The following PDE11A variants were observed in gnomAD, a reference collection of about 807,000 sequenced individuals.
PDE11A encodes phosphodiesterase 11A, also known as dual 3',5'-cyclic-AMP and -GMP phosphodiesterase 11A.
PDE11A carries 100 observed loss-of-function variants against 100.5 expected under a neutral mutation model. The ratio of observed to expected loss-of-function variants is 1.00; its 90% CI spans 0.85 to 1.18. PDE11A has a LOEUF of 1.18. Among genes scored for constraint, PDE11A ranks in the 50% most tolerant of loss-of-function variants. PDE11A has a pLI of 0.00. For synonymous variants in PDE11A, 381 were observed against 420.8 expected (o/e 0.91, Z 1.16); for missense variants, 1,141 against 1,152.6 (o/e 0.99, Z 0.15).
rs189000312 is a variant in PDE11A at position 178,038,603 on chromosome 2, G to A, written c.913-24143C>T. ...GACATGGACCAGTACTCCACAATAA[G>A]AGAAAACACAAACATATGAAAAGAG... On this transcript the variant is annotated intron_variant, in intron 1 of 19. Transcript: ENST00000286063. Among the ~76,000 whole-genome samples, 247 of 152,176 alleles carry A rather than the reference G, an allele frequency of 1.6e-3. 1 individual carries two copies. The highest frequency in any genetic ancestry group is 2.7e-3 in the Non-Finnish European group (182 of 67,998).
intron 17 of PDE11A, among the ~76,000 whole-genome samples, chr2:177,671,055 G>T (rs2080672132): frequency 6.6e-6 from 1 of 152,098 alleles, no homozygotes; most frequent in African/African-American, 2.4e-5. Flanking sequence ...AAGAGGAAAT[G>T]GTCCCCTAAG....
At chr2:177,991,638 A>AAAT (rs1181729112) in intron 2 of PDE11A, among the ~76,000 whole-genome samples, 1 of 151,292 alleles carries the variant, frequency 6.6e-6, no homozygotes, top group South Asian at 2.1e-4. Context: ...CCATTTCAAA[A>AAAT]AATGATAATA....
chr2:177,711,134 T>A (rs576230457), intron 13 of PDE11A, among the ~76,000 whole-genome samples: 1 of 152,216 alleles, frequency 6.6e-6, no homozygotes. Context: ...GCAACAGCTA[T>A]CTTGACCAGG....
chr2:177,916,499 T>C (rs1035091223), intron 2 of PDE11A, among the ~76,000 whole-genome samples: 3 of 152,188 alleles, frequency 2.0e-5, no homozygotes, highest in African/African-American at 7.2e-5. Context: ...CTGAAAACAT[T>C]TGCTTCCTCT....
At chr2:178,043,936 C>T (rs2086713850) in intron 1 of PDE11A, among the ~76,000 whole-genome samples, 1 of 152,102 alleles carries the variant, frequency 6.6e-6, no homozygotes, top group Non-Finnish European at 1.5e-5. Context: ...GCAATTTGTC[C>T]TCAAGGCCTC....
At chr2:178,063,967 CTG>C (rs1184308210) in intron 1 of PDE11A, among the ~76,000 whole-genome samples, 1 of 152,202 alleles carries the variant, frequency 6.6e-6, no homozygotes, top group Admixed American at 6.5e-5. Context: ...GCCTTCTGGA[CTG>C]TGTATTTTAA....
At chr2:178,085,170 C>T (rs1414558154) in intron 2 of PDE11A, among the ~76,000 whole-genome samples, 1 of 152,092 alleles carries the variant, frequency 6.6e-6, no homozygotes, top group Non-Finnish European at 1.5e-5. Flanking sequence ...AGTCAACATA[C>T]AGAAATTGGT....
At chr2:177,988,741 G>C (rs992108675) in intron 2 of PDE11A, among the ~76,000 whole-genome samples, 3 of 152,164 alleles carry the variant, frequency 2.0e-5, no homozygotes, top group African/African-American at 7.2e-5. Context: ...CTGGGAATAA[G>C]ACATGAATTA....
At chr2:177,790,415 A>T (rs1221796915) in intron 9 of PDE11A, among the ~76,000 whole-genome samples, 2 of 151,736 alleles carry the variant, frequency 1.3e-5, no homozygotes, top group South Asian at 4.2e-4. Context: ...CTTAAATGTT[A>T]GACCTAAAAC....
intron 2 of PDE11A, among the ~76,000 whole-genome samples, chr2:177,963,162 T>C (rs906561648): frequency 2.6e-5 from 4 of 152,170 alleles, no homozygotes; most frequent in African/African-American, 9.7e-5. Context: ...AACTAAAATC[T>C]ACTGCTTCCA....
chr2:177,716,122 T>G (rs1479798655), intron 12 of PDE11A, among the ~76,000 whole-genome samples: 1 of 152,220 alleles, frequency 6.6e-6, no homozygotes, highest in Non-Finnish European at 1.5e-5. Flanking sequence ...CTTAATCCTC[T>G]TATTTTGAGT....
chr2:177,998,721 G>T, intron 2 of PDE11A: 1 of 996,654 alleles, frequency 1.0e-6, no homozygotes, highest in Non-Finnish European at 1.6e-6. Context: ...TCGCTCCGTG[G>T]TATCGGCCAT....
chr2:177,833,593 T>G (rs2105609207), intron 6 of PDE11A, among the ~76,000 whole-genome samples: 1 of 152,274 alleles, frequency 6.6e-6, no homozygotes. Flanking sequence ...AAGTCTCCAT[T>G]TCCTCCCCTG....
chr2:177,737,670 G>A (rs1011191659), intron 10 of PDE11A, among the ~76,000 whole-genome samples: 8 of 152,018 alleles, frequency 5.3e-5, no homozygotes, highest in Non-Finnish European at 1.0e-4. Context: ...GGGAGTGGAA[G>A]GTGGAGAAGG....
chr2:177,869,223 G>A (rs538591879), intron 5 of PDE11A, among the ~76,000 whole-genome samples: 10 of 152,304 alleles, frequency 6.6e-5, no homozygotes, highest in South Asian at 4.1e-4. Flanking sequence ...TTATCTCAGA[G>A]GGCTGGAAGT....
chr2:177,878,478 T>A (rs1034102415), intron 4 of PDE11A, among the ~76,000 whole-genome samples: 1 of 152,182 alleles, frequency 6.6e-6, no homozygotes, highest in South Asian at 2.1e-4. Flanking sequence ...TCGGTCACCA[T>A]GCAAGAAGTG....
chr2:177,706,736 C>T (rs1035346740), intron 13 of PDE11A, among the ~76,000 whole-genome samples: 4 of 152,062 alleles, frequency 2.6e-5, no homozygotes, highest in African/African-American at 9.7e-5. Context: ...TTGAGAAAAA[C>T]GCATCACACT....
At chr2:178,013,928 T>G (rs921555458) in intron 2 of PDE11A, among the ~76,000 whole-genome samples, 1 of 152,168 alleles carries the variant, frequency 6.6e-6, no homozygotes. Context: ...TATAAAAATA[T>G]AGGAGAAAGT....
At chr2:177,966,910 AT>A (rs1256688847) in intron 2 of PDE11A, among the ~76,000 whole-genome samples, 2 of 152,094 alleles carry the variant, frequency 1.3e-5, no homozygotes, top group African/African-American at 4.8e-5. Flanking sequence ...GTTTTTTGGA[AT>A]AGTTTCATAG....
Sources: allele counts gnomAD v4.1 joint callset (sites outside exome capture counted in the v4.1 genomes callset), GRCh38; gene constraint gnomAD v4.1.1; transcripts MANE v1.5; gene names NCBI Gene and HGNC (gene_info 2026-07-23, HGNC 2026-07-21).